Variants in COL4A1 observed in about 807,000 individuals in gnomAD.
COL4A1 encodes the protein collagen type IV alpha 1 chain.
A neutral mutation model predicts 216.6 loss-of-function variants in COL4A1; 40 were observed. The observed-to-expected ratio is 0.18, with a 90% CI of 0.14 to 0.24. The LOEUF (loss-of-function observed/expected upper bound fraction) is 0.24. COL4A1 is among the 10% of genes least tolerant of loss of function. The pLI is 1.00. For missense variants in COL4A1, 1,628 were observed against 2,196.8 expected, an observed-to-expected ratio of 0.74 and a Z score of 5.18; for synonymous variants, 839 against 810.7, an observed-to-expected ratio of 1.03 and a Z score of -0.59.
rs146288748 is a variant in COL4A1 at position 110,176,691 on chromosome 13, C to T, written c.2903G>A (p.Arg968Gln). The T allele has an allele frequency of 8.9e-5, 144 of 1,614,048 alleles. No individual in the cohort carries two copies. The highest frequency in any genetic ancestry group is 4.9e-4 in the Middle Eastern group (3 of 6,084). ...QIGPIGEKGS[R>Q]GDPGTPGVPG... ...CACTCCTGGGGTCCCAGGGTCTCCTCGGGATCCCTTCTCACCAATTGGTCC... is the reference window on the plus strand; with the variant it reads ...CACTCCTGGGGTCCCAGGGTCTCCTTGGGATCCCTTCTCACCAATTGGTCC... Residue 968 changes from arginine (R) to glutamine (Q), a missense_variant, in exon 35 of 52, where the codon CGA becomes CAA. Around this residue, in one of 8 missense-constraint regions of COL4A1, gnomAD observed 58 missense variants for 132.5 expected, o/e 0.44. Transcript: ENST00000375820.
chr13:110,202,906 C>A (rs1879312196), intron 18 of COL4A1, among the ~76,000 whole-genome samples: 1 of 152,084 alleles, frequency 6.6e-6, no homozygotes, highest in Non-Finnish European at 1.5e-5. Flanking sequence ...CTCAATGGAC[C>A]ACGTTTTTTT....
intron 2 of COL4A1, among the ~76,000 whole-genome samples, chr13:110,233,499 C>T (rs1268042727): frequency 1.3e-5 from 2 of 152,076 alleles, no homozygotes; most frequent in Non-Finnish European, 2.9e-5. Flanking sequence ...TGATATCTCA[C>T]GCATGTTCCC....
chr13:110,164,123 G>C (rs1425717659), intron 46 of COL4A1, among the ~76,000 whole-genome samples: 1 of 151,072 alleles, frequency 6.6e-6, no homozygotes, highest in Non-Finnish European at 1.5e-5. Flanking sequence ...CGAGTAGCTG[G>C]GACTACAGGT....
rs1208563001 is a variant in COL4A1 at position 110,211,153 on chromosome 13, C to A, written c.468+494G>T. 6.6e-6 allele frequency among the ~76,000 whole-genome samples: 1 copy of A among 152,190 alleles called. No homozygotes were observed. Among genetic ancestry groups the A allele is most frequent in the Non-Finnish European group, 1.5e-5 (1 of 68,038 alleles). The stretch of plus-strand genomic sequence containing the variant: ...TACTGCAGCTGCTGAGACCTGTAAG[C>A]CTCCCTTTGACAAGGCTGATCCCAA... On this transcript the variant is annotated intron_variant, in intron 8 of 51. Coordinates refer to ENST00000375820, the MANE Select transcript of COL4A1 (RefSeq NM_001845.6). The surrounding 1 kb of genome is among the most constrained non-coding windows in gnomAD (Gnocchi z 4.3).
chr13:110,187,060 GA>G, intron 25 of COL4A1, 77 bp downstream of exon 25: 1 of 1,528,920 alleles, frequency 6.5e-7, no homozygotes, highest in Non-Finnish European at 9.1e-7. Context: ...ACATCAATAT[GA>G]TTCAAATTAC....
At chr13:110,180,220 T>C (rs1878081671) in intron 29 of COL4A1, among the ~76,000 whole-genome samples, 1 of 152,258 alleles carries the variant, frequency 6.6e-6, no homozygotes, top group Non-Finnish European at 1.5e-5. Flanking sequence ...TCATTCCCAT[T>C]CCATTAGGCA....
chr13:110,213,502 A>G (rs913217077), intron 4 of COL4A1, among the ~76,000 whole-genome samples: 1 of 152,184 alleles, frequency 6.6e-6, no homozygotes, highest in Non-Finnish European at 1.5e-5. Context: ...AAAAATGCCC[A>G]GAAGAGATTC....
At chr13:110,187,648 T>C (rs926380073) in intron 24 of COL4A1, among the ~76,000 whole-genome samples, 5 of 152,160 alleles carry the variant, frequency 3.3e-5, no homozygotes, top group Non-Finnish European at 7.4e-5. Flanking sequence ...TAACAACTGC[T>C]CAACATTCAT....
At chr13:110,227,896 C>T (rs1050062767) in intron 2 of COL4A1, among the ~76,000 whole-genome samples, 6 of 152,288 alleles carry the variant, frequency 3.9e-5, no homozygotes, top group East Asian at 1.9e-4. Context: ...CTCGGGTCTC[C>T]GGGGAGGCCC....
chr13:110,300,190 C>G (rs1196421683), intron 1 of COL4A1, among the ~76,000 whole-genome samples: 2 of 152,100 alleles, frequency 1.3e-5, no homozygotes, highest in Non-Finnish European at 2.9e-5. Flanking sequence ...TTTATCTGTA[C>G]AACGCTGAAA....
At chr13:110,274,437 G>A (rs7994104) in intron 1 of COL4A1, among the ~76,000 whole-genome samples, 30,354 of 152,066 alleles carry the variant, frequency 0.2, 3,372 homozygotes, top group African/African-American at 0.31. Flanking sequence ...CACAGCCCTC[G>A]GGAGGCTGGT....
intron 51 of COL4A1, among the ~76,000 whole-genome samples, chr13:110,151,959 G>C (rs1165184610): frequency 6.6e-6 from 1 of 152,146 alleles, no homozygotes; most frequent in African/African-American, 2.4e-5. Flanking sequence ...TGTACATTAC[G>C]ATCAGTGTTA....
At chr13:110,224,456 G>A (rs1212091254) in intron 2 of COL4A1, among the ~76,000 whole-genome samples, 1 of 152,154 alleles carries the variant, frequency 6.6e-6, no homozygotes, top group Non-Finnish European at 1.5e-5. Context: ...CCAAGTAGCT[G>A]GGATTACAGA....
chr13:110,169,729 G>C lies in COL4A1; in HGVS notation c.3776C>G (p.Pro1259Arg), dbSNP rs146329532. ...LPGPMGPPGL[P>R]GIDGVKGDKG... The stretch of plus-strand genomic sequence containing the variant: ...GTCACCTTTAACTCCATCAATCCCA[G>C]GAAGCCCTGGAGGCCCCATGGGTCC... Residue 1259 changes from proline (P) to arginine (R), a missense_variant, in exon 43 of 52, where the codon CCT (proline) becomes CGT (arginine). By Grantham distance (103) the Pro-to-Arg change is moderately radical (BLOSUM62 -2). This residue lies in a region of COL4A1 where 345 missense variants were observed against 476.9 expected (regional missense o/e 0.72). Transcript: ENST00000375820. The C allele has an allele frequency of 8.1e-4, 1,313 of 1,613,980 alleles. 5 individuals are homozygous for C. In the African/African-American group the frequency reaches 0.01, roughly 13 times the overall value.
chr13:110,277,299 T>C (rs555008099), intron 1 of COL4A1, among the ~76,000 whole-genome samples: 42 of 152,346 alleles, frequency 2.8e-4, no homozygotes, highest in African/African-American at 9.4e-4. Flanking sequence ...ATGGCAAACA[T>C]GTCATTTAAA....
At chr13:110,236,584 A>T (rs1166114856) in intron 2 of COL4A1, among the ~76,000 whole-genome samples, 1 of 152,158 alleles carries the variant, frequency 6.6e-6, no homozygotes, top group Non-Finnish European at 1.5e-5. Context: ...AGTCAAAGAG[A>T]GGACGTGTGA....
chr13:110,169,845 C>T, intron 42 of COL4A1, 83 bp from the exon 43 acceptor site: 1 of 1,490,582 alleles, frequency 6.7e-7, no homozygotes, highest in South Asian at 1.1e-5. Flanking sequence ...ATACTGCCAC[C>T]CACGGCCCCT....
intron 4 of COL4A1, among the ~76,000 whole-genome samples, chr13:110,213,174 C>T (rs1253215128): frequency 1.3e-5 from 2 of 152,068 alleles, no homozygotes; most frequent in Non-Finnish European, 2.9e-5. Flanking sequence ...AGAGCGTACA[C>T]TGCTTGGGTG....
At chr13:110,152,222 T>C (rs1258180833) in intron 51 of COL4A1, 112 bp downstream of exon 51, 1 of 1,515,240 alleles carries the variant, frequency 6.6e-7, no homozygotes, top group African/African-American at 1.4e-5. Flanking sequence ...CAAATATTCA[T>C]TGCTAACCAT....
Sources: allele counts gnomAD v4.1 joint callset (sites outside exome capture counted in the v4.1 genomes callset), GRCh38; gene constraint gnomAD v4.1.1; regional missense constraint gnomAD v4.1.1; non-coding constraint Gnocchi (gnomAD v3.1); transcripts MANE v1.5; gene names NCBI Gene and HGNC (gene_info 2026-07-23, HGNC 2026-07-21).